The following MTUS1 variants were observed in gnomAD, a reference collection of about 807,000 sequenced individuals.
MTUS1 encodes microtubule-associated tumor suppressor 1.
Under a neutral mutation model 120.8 loss-of-function variants are expected in MTUS1, and 109 were observed. The observed-to-expected ratio is 0.90, with a 90% CI of 0.77 to 1.06. MTUS1 has a LOEUF of 1.06. Among genes scored for constraint, MTUS1 ranks in the 50% least tolerant of loss-of-function variants. MTUS1 has a pLI of 0.00. For missense variants in MTUS1, 2,210 were observed against 1,486.3 expected (o/e 1.49, Z -8.01); for synonymous variants, 737 against 550.5 (o/e 1.34, Z -4.74).
Position 17,754,517 on chromosome 8 carries a change from G to C in MTUS1, c.1291C>G (p.Pro431Ala), listed in dbSNP as rs947132732. The change falls in exon 2 of 15, where the codon CCA becomes GCA. Residue 431 changes from proline (P) to alanine (A), a missense_variant. By Grantham distance (27) the Pro-to-Ala change is conservative. Transcript: ENST00000693296. ...STDKTMCMST[P>A]VLEPTKVTFS... is the part of the protein sequence containing the mutation. ...GTTACTTTTGTGGGTTCTAGGACTG[G>C]TGTTGACATGCACATCGTTTTGTCT... 1.9e-6 allele frequency: 3 copies of C among 1,614,172 alleles called. No individual in the cohort carries two copies. Among genetic ancestry groups the C allele is most frequent in the Non-Finnish European group, 2.5e-6 (3 of 1,180,034 alleles).
intron 9 of MTUS1, chr8:17,654,873 G>T (rs1330714462): frequency 5.2e-6 from 3 of 573,688 alleles, no homozygotes; most frequent in African/African-American, 3.7e-5. Flanking sequence ...GGATCACTTG[G>T]AGCCCAGCAG....
At chr8:17,724,090 T>C (rs2046036415) in intron 3 of MTUS1, 1 of 561,492 alleles carries the variant, frequency 1.8e-6, no homozygotes, top group African/African-American at 1.9e-5. Context: ...TCTCCTAAAG[T>C]AATTAACTCA....
chr8:17,649,993 A>T (rs555367379), intron 12 of MTUS1, 31 bp from the exon 13 acceptor site: 9 of 1,090,450 alleles, frequency 8.3e-6, no homozygotes, highest in Non-Finnish European at 1.1e-5. Context: ...TACTGCTCTT[A>T]TTCCACATAG....
Position 17,723,746 on chromosome 8 carries a change from G to C in MTUS1, c.2375C>G (p.Pro792Arg). Residue 792 changes from proline to arginine, a missense_variant, in exon 4 of 15, where the codon CCT becomes CGT. Coordinates refer to ENST00000693296, the MANE Select transcript of MTUS1 (RefSeq NM_001363059.2). Reference sequence around the variant, plus strand: ...GGTGCTTCCTGTCCTCCGCAGCGCAGGACTTTTCAAAGATGCTTTGGATTT... The same window carrying C: ...GGTGCTTCCTGTCCTCCGCAGCGCACGACTTTTCAAAGATGCTTTGGATTT... ...LPKSKASLKS[P>R]ALRRTGSTPS... The C allele has an allele frequency of 6.2e-7, 1 of 1,610,738 alleles. No individual in the cohort carries two copies. The highest frequency in any genetic ancestry group is 1.1e-5 in the South Asian group (1 of 90,956).
intron 2 of MTUS1, among the ~76,000 whole-genome samples, chr8:17,744,287 A>G (rs1399638919): frequency 1.3e-5 from 2 of 152,168 alleles, no homozygotes; most frequent in East Asian, 3.9e-4. Flanking sequence ...TAAATAGGTA[A>G]TATTTGCCAT....
rs754203761 is a variant in MTUS1 at position 17,645,735 on chromosome 8, G to C, written c.*191C>G. The C allele has an allele frequency of 1.6e-6, 1 of 632,150 alleles. No homozygotes were observed. Among genetic ancestry groups the C allele is most frequent in the Non-Finnish European group, 2.4e-6 (1 of 408,484 alleles). 39.2% of individuals were successfully genotyped at this position (632,150 alleles called of 1,614,324 possible). A position where few individuals can be genotyped will look rare whatever the true frequency, so the allele number is the denominator to read the frequency against. ...AATCTTTTTTTGGAGGAATCTTTTG[G>C]ACGGAGGCAAAAGTCTTCCTCCAGA... On this transcript the variant is annotated 3_prime_UTR_variant, in exon 15 of 15. Coordinates refer to ENST00000693296, the MANE Select transcript of MTUS1 (RefSeq NM_001363059.2).
At chr8:17,664,239 C>A (rs571830136) in intron 8 of MTUS1, among the ~76,000 whole-genome samples, 1 of 152,078 alleles carries the variant, frequency 6.6e-6, no homozygotes, top group African/African-American at 2.4e-5. Context: ...TGACATTATA[C>A]GCAATAGAAT....
rs1339821178 is a variant in MTUS1, at chr8:17,743,775, T to G, written c.2116A>C (p.Thr706Pro). ...FLGSASKTTT[T>P]SGRNISKPDS... Reference sequence around the variant, plus strand: ...GGCTTGGATATATTCCTACCTGAGGTGGTCGTTGTTTTTGAAGCAGAGCCC... The same window carrying G: ...GGCTTGGATATATTCCTACCTGAGGGGGTCGTTGTTTTTGAAGCAGAGCCC... The change falls in exon 3 of 15, where the codon ACC (threonine) becomes CCC (proline). Residue 706 changes from threonine (T) to proline (P), a missense_variant. Thr to Pro is a conservative substitution (Grantham distance 38, BLOSUM62 -1). Transcript: ENST00000693296. 79 of 1,613,632 alleles carry G rather than the reference T, an allele frequency of 4.9e-5. No homozygotes were observed. Among genetic ancestry groups the G allele is most frequent in the Non-Finnish European group, 6.4e-5 (76 of 1,179,896 alleles).
intron 1 of MTUS1, among the ~76,000 whole-genome samples, chr8:17,783,780 C>CA (rs984260397): frequency 6.6e-6 from 1 of 152,064 alleles, no homozygotes; most frequent in African/African-American, 2.4e-5. Context: ...AGTAATTTCT[C>CA]AAAAAACAAT....
At chr8:17,664,500 G>A (rs73668810) in intron 8 of MTUS1, among the ~76,000 whole-genome samples, 97 of 147,950 alleles carry the variant, frequency 6.6e-4, no homozygotes, top group African/African-American at 2.3e-3. Context: ...GGATGGAGAA[G>A]AGCAGCCTGC....
chr8:17,646,238 C>T, intron 14 of MTUS1, 99 bp from the exon 15 acceptor site: 1 of 1,270,290 alleles, frequency 7.9e-7, no homozygotes, highest in African/African-American at 1.5e-5. Flanking sequence ...CAAAATTATT[C>T]CTTTGGGATA....
At chr8:17,650,316 GAAC>G (rs1003816150) in intron 12 of MTUS1, among the ~76,000 whole-genome samples, 1 of 152,128 alleles carries the variant, frequency 6.6e-6, no homozygotes, top group Non-Finnish European at 1.5e-5. Flanking sequence ...GGAGAACAGG[GAAC>G]AACAGTTCTC....
intron 2 of MTUS1, among the ~76,000 whole-genome samples, chr8:17,748,409 G>C (rs2047932381): frequency 6.6e-6 from 1 of 152,180 alleles, no homozygotes; most frequent in African/African-American, 2.4e-5. Context: ...TTCTTGGACA[G>C]TGGACAAGAG....
chr8:17,652,331 T>A (rs924616086), intron 12 of MTUS1, among the ~76,000 whole-genome samples: 5 of 152,216 alleles, frequency 3.3e-5, no homozygotes, highest in Non-Finnish European at 7.3e-5. Flanking sequence ...AATACTAACA[T>A]AGGCTACACC....
chr8:17,800,747 G>A (rs1054207210), intron 1 of MTUS1: 2 of 152,248 alleles, frequency 1.3e-5, no homozygotes, highest in African/African-American at 4.8e-5. Flanking sequence ...AAGGGGCCCT[G>A]CGAGAAGGCT....
chr8:17,646,070 G>A lies in MTUS1; in HGVS notation c.3669C>T (p.Leu1223=), dbSNP rs1168343095. 1 of 1,613,494 alleles carries A rather than the reference G, an allele frequency of 6.2e-7. No individual in the cohort carries two copies. The highest frequency in any genetic ancestry group is 8.5e-7 in the Non-Finnish European group (1 of 1,179,868). The stretch of plus-strand genomic sequence containing the variant: ...ACAGAAGCTCCTCGTTTTCCATAGA[G>A]AGTCGCTTGTTGACTTTCGACTCCT... ...LEKESKVNKR[L]SMENEELLWK... The change falls in exon 15 of 15, where the codon CTC becomes CTT. Residue 1223 remains leucine, a synonymous_variant. Transcript: ENST00000693296.
At chr8:17,750,619 T>C (rs934271169) in intron 2 of MTUS1, among the ~76,000 whole-genome samples, 2 of 152,168 alleles carry the variant, frequency 1.3e-5, no homozygotes, top group African/African-American at 4.8e-5. Flanking sequence ...CGCTGAAGTA[T>C]TAAAATGTCG....
intron 8 of MTUS1, among the ~76,000 whole-genome samples, chr8:17,656,460 G>A (rs374362804): frequency 2.0e-4 from 30 of 151,674 alleles, no homozygotes; most frequent in East Asian, 1.8e-3. Flanking sequence ...CCCGGGAGGC[G>A]GAGGTTGTAG....
chr8:17,722,083 T>C (rs2131099459), intron 4 of MTUS1: 4 of 1,335,624 alleles, frequency 3.0e-6, no homozygotes, highest in Non-Finnish European at 3.8e-6. Flanking sequence ...GACTCACTGA[T>C]TTGAATGCTT....
Sources: allele counts gnomAD v4.1 joint callset (sites outside exome capture counted in the v4.1 genomes callset), GRCh38; gene constraint gnomAD v4.1.1; transcripts MANE v1.5; gene names NCBI Gene and HGNC (gene_info 2026-07-23, HGNC 2026-07-21).